The following FRMPD4 variants were observed in gnomAD, a reference collection of about 807,000 sequenced individuals.
The protein encoded by FRMPD4 is FERM and PDZ domain-containing protein 4.
FRMPD4 carries 22 observed loss-of-function variants against 94.1 expected under a neutral mutation model. The observed-to-expected ratio is 0.23, with a 90% confidence interval of 0.17 to 0.33. FRMPD4 has a LOEUF of 0.33. Among genes scored for constraint, FRMPD4 ranks in the 10% least tolerant of loss-of-function variants. FRMPD4 has a pLI of 1.00. For synonymous variants in FRMPD4, 631 were observed against 548.6 expected, an observed-to-expected ratio of 1.15 and a Z score of -2.10; for missense variants, 1,111 against 1,339.9, an observed-to-expected ratio of 0.83 and a Z score of 2.67.
chrX:12,508,697 A>T (rs1003699550), intron 2 of FRMPD4, among the ~76,000 whole-genome samples: 66 of 111,302 alleles, frequency 5.9e-4, no homozygotes, highest in African/African-American at 2.1e-3. Flanking sequence ...ATGTCACTAG[A>T]AGAATTTAGG....
chrX:12,112,682 T>C (rs993908076), intron 3 of FRMPD4, among the ~76,000 whole-genome samples: 2 of 112,119 alleles, frequency 1.8e-5, no homozygotes, highest in Admixed American at 1.9e-4. Context: ...AAGGAAATTG[T>C]GACTTTAATT....
intron 1 of FRMPD4, among the ~76,000 whole-genome samples, chrX:11,837,004 T>C (rs917308932): frequency 2.7e-5 from 3 of 112,146 alleles, no homozygotes; most frequent in Non-Finnish European, 5.7e-5. Flanking sequence ...TATTCCCTCA[T>C]TGGAGCCACT....
intron 3 of FRMPD4, among the ~76,000 whole-genome samples, chrX:12,038,343 A>T (rs1256935899): frequency 8.9e-6 from 1 of 112,107 alleles, no homozygotes; most frequent in Non-Finnish European, 1.9e-5. Context: ...GATGTATAGT[A>T]ATCTAACATT....
rs890655065 is a variant in FRMPD4, at chrX:12,174,137, A to G, written c.41+35125A>G. Among the ~76,000 whole-genome samples, 8 of 112,116 alleles carry G rather than the reference A, an allele frequency of 7.1e-5. No homozygotes were observed. In the East Asian group the frequency reaches 2.2e-3, roughly 31 times the overall value. On this transcript the variant is annotated intron_variant, in intron 1 of 16. Transcript: ENST00000675598. ...ACACATTTTCAGCTTTTTGGGCCAT[A>G]TGGTCTCTTTCACAACTATTCAACT...
intron 2 of FRMPD4, among the ~76,000 whole-genome samples, chrX:12,548,637 A>G (rs900977156): frequency 1.8e-5 from 2 of 112,129 alleles, no homozygotes; most frequent in Non-Finnish European, 3.8e-5. Context: ...TTCATTTCCA[A>G]TGTTTTTTTC....
intron 1 of FRMPD4, among the ~76,000 whole-genome samples, chrX:12,323,777 G>T (rs193010169): frequency 8.9e-6 from 1 of 111,739 alleles, no homozygotes; most frequent in East Asian, 2.8e-4. Flanking sequence ...AGCAAAGAGG[G>T]CAACTGGAGT....
At chrX:12,132,707 G>GGAAGA (rs1169328312) in intron 3 of FRMPD4, among the ~76,000 whole-genome samples, 1 of 111,165 alleles carries the variant, frequency 9.0e-6, no homozygotes, top group Non-Finnish European at 1.9e-5. Context: ...AATGTTTCAA[G>GGAAGA]GAAGAGGGAA....
At chrX:12,161,585 A>T (rs1026729317) in intron 1 of FRMPD4, among the ~76,000 whole-genome samples, 1 of 111,866 alleles carries the variant, frequency 8.9e-6, no homozygotes, top group Admixed American at 9.5e-5. Context: ...AGGGTCAGAA[A>T]AGATAAGTAA....
At chrX:12,053,079 T>C (rs780861189) in intron 3 of FRMPD4, among the ~76,000 whole-genome samples, 3 of 110,837 alleles carry the variant, frequency 2.7e-5, no homozygotes, top group South Asian at 3.8e-4. Context: ...GACTCATGCC[T>C]GTAATCCCAG....
Position 12,193,782 on chromosome X carries a change from G to GAAAGAAAAA in FRMPD4, c.41+54770_41+54771insAAAGAAAAA, listed in dbSNP as rs2056525023. 9.6e-4 allele frequency among the ~76,000 whole-genome samples: 25 copies of GAAAGAAAAA among 25,989 alleles called. 2 individuals carry two copies. The highest frequency in any genetic ancestry group is 2.0e-3 in the South Asian group (1 of 505). 22.6% of individuals were successfully genotyped at this position (25,989 alleles called of 115,157 possible). ...AGAAAGAAAGAAAGAAAGGAAGGAA[G>GAAAGAAAAA]GAAGGAAGGAAGGAAGGAAGGAAGG... On this transcript the variant is annotated intron_variant, in intron 1 of 16. Coordinates refer to ENST00000675598, the MANE Select transcript of FRMPD4 (RefSeq NM_001368397.1).
rs3066486 is a variant in FRMPD4, at chrX:12,553,434, C to CTATATATATATATATATA, written c.158+54654_158+54671dup. On this transcript the variant is annotated intron_variant, in intron 2 of 16. Transcript: ENST00000675598. The stretch of plus-strand genomic sequence containing the variant: ...AGTTTTGTGAGATCTATCCATATGC[C>CTATATATATATATATATA]TATATATATATATATATATATATAT... Among the ~76,000 whole-genome samples, 64 of 39,611 alleles carry CTATATATATATATATATA rather than the reference C, an allele frequency of 1.6e-3. 1 individual carries two copies. Among genetic ancestry groups the CTATATATATATATATATA allele is most frequent in the African/African-American group, 4.7e-3 (45 of 9,603 alleles). 34.4% of individuals were successfully genotyped at this position (39,611 alleles called of 115,157 possible). A position where few individuals can be genotyped will look rare whatever the true frequency, so the allele number is the denominator to read the frequency against.
intron 1 of FRMPD4, among the ~76,000 whole-genome samples, chrX:12,291,723 A>C: frequency 9.0e-6 from 1 of 111,325 alleles, no homozygotes; most frequent in Non-Finnish European, 1.9e-5. Context: ...TCAGTCTCCG[A>C]TCATTTCTTA....
intron 3 of FRMPD4, among the ~76,000 whole-genome samples, chrX:11,944,917 G>A: frequency 8.9e-6 from 1 of 112,462 alleles, no homozygotes; most frequent in South Asian, 3.7e-4. Context: ...TAAATCCTCT[G>A]TGTTTTCCAA....
intron 3 of FRMPD4, among the ~76,000 whole-genome samples, chrX:11,921,095 G>A (rs181168863): frequency 4.5e-5 from 5 of 112,239 alleles, no homozygotes; most frequent in South Asian, 7.5e-4. Context: ...CCACTGCCCC[G>A]TAACTTGCCA....
At chrX:12,106,669 C>T (rs745957751) in intron 3 of FRMPD4, among the ~76,000 whole-genome samples, 1 of 111,688 alleles carries the variant, frequency 9.0e-6, no homozygotes, top group Non-Finnish European at 1.9e-5. Context: ...GAAGCAGTGA[C>T]AGAAGGCACT....
chrX:12,344,172 T>C (rs753080695), intron 1 of FRMPD4, among the ~76,000 whole-genome samples: 2 of 111,547 alleles, frequency 1.8e-5, no homozygotes, highest in Admixed American at 9.5e-5. Context: ...CTCAGCAGGC[T>C]GCACCATTCA....
At chrX:12,123,336 C>G (rs183508713) in intron 3 of FRMPD4, among the ~76,000 whole-genome samples, 116 of 110,290 alleles carry the variant, frequency 1.1e-3, no homozygotes, top group African/African-American at 3.7e-3. Context: ...CAGGGTTTCA[C>G]CATGTTGGCC....
intron 2 of FRMPD4, among the ~76,000 whole-genome samples, chrX:12,603,319 A>G (rs1452192623): frequency 4.5e-5 from 5 of 112,105 alleles, no homozygotes; most frequent in African/African-American, 1.6e-4. Context: ...ACATATTTTG[A>G]AAAGGACTTT....
chrX:12,440,701 G>C (rs2057125365), intron 1 of FRMPD4, among the ~76,000 whole-genome samples: 1 of 110,856 alleles, frequency 9.0e-6, no homozygotes, highest in Admixed American at 9.6e-5. Context: ...TGGGGACTTG[G>C]GAGGGGGGGG....
Sources: allele counts gnomAD v4.1 joint callset (sites outside exome capture counted in the v4.1 genomes callset), GRCh38; gene constraint gnomAD v4.1.1; transcripts MANE v1.5; gene names NCBI Gene and HGNC (gene_info 2026-07-23, HGNC 2026-07-21).